Variants in SYT1 observed in about 807,000 individuals in gnomAD.
The protein encoded by SYT1 is synaptotagmin-1.
A neutral mutation model predicts 44.8 loss-of-function variants in SYT1; 8 were observed. The ratio of observed to expected loss-of-function variants is 0.18; its 90% CI spans 0.10 to 0.32. The LOEUF (loss-of-function observed/expected upper bound fraction) is 0.32, where lower values mean the gene tolerates loss of function less well. SYT1 is among the 10% of genes least tolerant of loss of function. SYT1 has a pLI of 1.00. For synonymous variants in SYT1, 154 were observed against 188.8 expected (o/e 0.82, Z 1.51); for missense variants, 286 against 509.3 (o/e 0.56, Z 4.22).
At chr12:79,360,688 G>A (rs1168323982) in intron 9 of SYT1, among the ~76,000 whole-genome samples, 1 of 152,194 alleles carries the variant, frequency 6.6e-6, no homozygotes, top group Non-Finnish European at 1.5e-5. Context: ...TGGCTGTGAT[G>A]TCAGAAGCTT....
At chr12:79,095,036 C>T (rs1051369617) in intron 3 of SYT1, among the ~76,000 whole-genome samples, 1 of 151,802 alleles carries the variant, frequency 6.6e-6, no homozygotes, top group South Asian at 2.1e-4. Context: ...TTTGGTAGGC[C>T]ACCCATACAT....
intron 1 of SYT1, among the ~76,000 whole-genome samples, chr12:78,941,561 A>G (rs1274556248): frequency 6.6e-6 from 1 of 152,206 alleles, no homozygotes; most frequent in African/African-American, 2.4e-5. Flanking sequence ...ATCAATAGTA[A>G]CATTAGGCAG....
intron 2 of SYT1, among the ~76,000 whole-genome samples, chr12:79,045,156 G>C (rs982022930): frequency 7.2e-5 from 11 of 152,154 alleles, no homozygotes; most frequent in African/African-American, 2.7e-4. Context: ...CACCCAGTTC[G>C]AGCTTCCCGG....
intron 3 of SYT1, among the ~76,000 whole-genome samples, chr12:79,118,326 A>G (rs1464133768): frequency 6.6e-6 from 1 of 152,214 alleles, no homozygotes; most frequent in Non-Finnish European, 1.5e-5. Flanking sequence ...AGCAGTCTCT[A>G]CTGGGTTAGG....
At chr12:79,364,128 A>T (rs1456725736) in intron 9 of SYT1, among the ~76,000 whole-genome samples, 1 of 152,200 alleles carries the variant, frequency 6.6e-6, no homozygotes, top group Non-Finnish European at 1.5e-5. Flanking sequence ...TAATAGAAAT[A>T]TCGGCTCATA....
At chr12:79,172,936 A>G (rs1297628450) in intron 3 of SYT1, among the ~76,000 whole-genome samples, 1 of 139,872 alleles carries the variant, frequency 7.1e-6, no homozygotes, top group African/African-American at 2.7e-5. Context: ...AGATACTACT[A>G]CATGTAATTC....
At chr12:78,916,682 A>T (rs973540030) in intron 1 of SYT1, among the ~76,000 whole-genome samples, 1 of 151,940 alleles carries the variant, frequency 6.6e-6, no homozygotes, top group Non-Finnish European at 1.5e-5. Context: ...TTTTTTAATT[A>T]CTTCTAAAAC....
chr12:79,177,938 G>A (rs1342279470), intron 3 of SYT1, among the ~76,000 whole-genome samples: 2 of 146,010 alleles, frequency 1.4e-5, no homozygotes, highest in Non-Finnish European at 3.0e-5. Flanking sequence ...TGTAGATTCT[G>A]GATATTAGCC....
At chr12:78,881,979 A>AT (rs11361669) in intron 1 of SYT1, among the ~76,000 whole-genome samples, 3 of 151,288 alleles carry the variant, frequency 2.0e-5, no homozygotes, top group Admixed American at 6.6e-5. Flanking sequence ...AGCACCCTGT[A>AT]TTTTTTTTAT....
At chr12:79,123,841 C>T (rs926683469) in intron 3 of SYT1, among the ~76,000 whole-genome samples, 1 of 151,578 alleles carries the variant, frequency 6.6e-6, no homozygotes, top group African/African-American at 2.4e-5. Context: ...ACCAGTAAAT[C>T]AGCAAAAAAG....
At chr12:79,429,452 G>A (rs143076382) in intron 9 of SYT1, among the ~76,000 whole-genome samples, 3 of 151,788 alleles carry the variant, frequency 2.0e-5, no homozygotes, top group Admixed American at 1.3e-4. Flanking sequence ...CAAGTGATAC[G>A]CCCGTCTCGG....
chr12:79,156,618 C>T (rs537565876), intron 3 of SYT1, among the ~76,000 whole-genome samples: 2 of 152,128 alleles, frequency 1.3e-5, no homozygotes, highest in East Asian at 3.9e-4. Flanking sequence ...CAGGCACATG[C>T]CACCATGCCT....
chr12:79,013,130 T>G (rs1180003758), intron 2 of SYT1, among the ~76,000 whole-genome samples: 1 of 152,070 alleles, frequency 6.6e-6, no homozygotes. Context: ...TAAACACTAT[T>G]TCTATCTTGT....
intron 1 of SYT1, among the ~76,000 whole-genome samples, chr12:78,900,905 C>A (rs1002054057): frequency 6.6e-6 from 1 of 151,964 alleles, no homozygotes; most frequent in Non-Finnish European, 1.5e-5. Flanking sequence ...TAATTCATTG[C>A]GGTTTGTCAG....
chr12:79,333,584 G>GT (rs774365019), intron 8 of SYT1, among the ~76,000 whole-genome samples: 7 of 152,086 alleles, frequency 4.6e-5, no homozygotes, highest in East Asian at 3.9e-4. Context: ...TCTAAAGAGG[G>GT]TTTTTTTGCA....
At chr12:79,270,050 A>T (rs1223714052) in intron 4 of SYT1, among the ~76,000 whole-genome samples, 1 of 152,324 alleles carries the variant, frequency 6.6e-6, no homozygotes, top group Non-Finnish European at 1.5e-5. Context: ...GTATTGTATA[A>T]TTTAGAAAAA....
At chr12:78,924,239 G>C (rs528828410) in intron 1 of SYT1, among the ~76,000 whole-genome samples, 4 of 151,768 alleles carry the variant, frequency 2.6e-5, no homozygotes, top group Non-Finnish European at 5.9e-5. Flanking sequence ...CTTTATTATC[G>C]GGTTAAGGTG....
intron 10 of SYT1, among the ~76,000 whole-genome samples, chr12:79,444,981 G>T (rs976627535): frequency 6.6e-6 from 1 of 151,940 alleles, no homozygotes; most frequent in African/African-American, 2.4e-5. Flanking sequence ...TCTTTAATGG[G>T]CATCAGAGAG....
At chr12:79,112,660 A>T (rs1014888110) in intron 3 of SYT1, among the ~76,000 whole-genome samples, 3 of 152,174 alleles carry the variant, frequency 2.0e-5, no homozygotes, top group African/African-American at 7.2e-5. Context: ...TATTTAGGTG[A>T]TCTAAAATAA....
Sources: allele counts gnomAD v4.1 joint callset (sites outside exome capture counted in the v4.1 genomes callset), GRCh38; gene constraint gnomAD v4.1.1; transcripts MANE v1.5; gene names NCBI Gene and HGNC (gene_info 2026-07-23, HGNC 2026-07-21).